Variants in GSX2 observed in about 807,000 individuals in gnomAD.
GSX2 encodes genetic-screened homeobox 2.
Under a neutral mutation model 19.2 loss-of-function variants are expected in GSX2, and 16 were observed. That is an observed-to-expected ratio of 0.84 (90% CI 0.57 to 1.27). The LOEUF (loss-of-function observed/expected upper bound fraction) is 1.27, where lower values mean the gene tolerates loss of function less well. Among genes scored for constraint, GSX2 ranks in the 50% most tolerant of loss-of-function variants. GSX2 has a pLI of 0.00. For missense variants in GSX2, 448 were observed against 428.4 expected (o/e 1.05, Z -0.40); for synonymous variants, 217 against 196.4 (o/e 1.10, Z -0.88).
rs997473643 is a variant in GSX2, at chr4:54,100,782, G to C, written c.438G>C (p.Ser146=). 4.1e-6 allele frequency: 6 copies of C among 1,463,612 alleles called. No homozygotes were observed. Among genetic ancestry groups the C allele is most frequent in the Non-Finnish European group, 5.4e-6 (6 of 1,111,896 alleles). The allele number at this position is 1,463,612 out of a possible 1,614,324, so 90.7% of individuals were successfully genotyped here. ...HHHHQPQQPG[S]AAAAAAAAAA... ...ATCATCAGCCCCAGCAGCCTGGCTCGGCCGCGGCGGCGGCAGCAGCAGCAG... is the reference window on the plus strand; with the variant it reads ...ATCATCAGCCCCAGCAGCCTGGCTCCGCCGCGGCGGCGGCAGCAGCAGCAG... The change falls in exon 1 of 2, where the codon TCG becomes TCC. Residue 146 remains serine (S), a synonymous_variant. Transcript: ENST00000326902.
Position 54,100,423 on chromosome 4 carries a change from C to A in GSX2, c.79C>A (p.Pro27Thr). The change falls in exon 1 of 2, where the codon CCC (proline) becomes ACC (threonine). Residue 27 changes from proline (P) to threonine (T), a missense_variant. By Grantham distance (38) the Pro-to-Thr change is conservative (BLOSUM62 -1). Coordinates refer to ENST00000326902, the MANE Select transcript of GSX2 (RefSeq NM_133267.3). ...RPAPSLPEPHPGPDFFIPLGM... is the reference protein window; with the variant it reads ...RPAPSLPEPHTGPDFFIPLGM... Reference sequence around the variant, plus strand: ...TGCGCCCTCGCTGCCTGAACCGCACCCCGGGCCGGATTTCTTCATCCCGCT... The same window carrying A: ...TGCGCCCTCGCTGCCTGAACCGCACACCGGGCCGGATTTCTTCATCCCGCT... 1.2e-6 allele frequency: 2 copies of A among 1,614,078 alleles called. No individual in the cohort carries two copies. The highest frequency in any genetic ancestry group is 1.7e-6 in the Non-Finnish European group (2 of 1,179,980).
chr4:54,100,224 CT>C lies in GSX2; in HGVS notation c.-120del. 6.9e-7 allele frequency: 1 copy of C among 1,446,270 alleles called. No individual in the cohort carries two copies. The highest frequency in any genetic ancestry group is 9.3e-7 in the Non-Finnish European group (1 of 1,076,002). 89.6% of individuals were successfully genotyped at this position (1,446,270 alleles called of 1,614,324 possible). ...TTGTTCCCAGCCCAGACGCCAACAC[CT>C]CTGCGTCCCCAAGGGCTTGACTGCC... On this transcript the variant is annotated 5_prime_UTR_variant, in exon 1 of 2. Coordinates refer to ENST00000326902, the MANE Select transcript of GSX2 (RefSeq NM_133267.3).
In GSX2 at chr4:54,102,459, A is replaced by C. The variant is rs1560411561; in HGVS notation, c.*537A>C. 2.0e-5 allele frequency: 3 copies of C among 152,060 alleles called. No individual in the cohort carries two copies. The highest frequency in any genetic ancestry group is 4.4e-5 in the Non-Finnish European group (3 of 68,016). The allele number at this position is 152,060 out of a possible 1,614,324, so 9.4% of individuals were successfully genotyped here. On this transcript the variant is annotated 3_prime_UTR_variant, in exon 2 of 2. Coordinates refer to ENST00000326902, the MANE Select transcript of GSX2 (RefSeq NM_133267.3). ...ATGTGAATAGGTTTATATAAAATTT[A>C]TATTTATATTTATTTAAATAAATGA...
Position 54,100,192 on chromosome 4 carries a change from G to A in GSX2, c.-153G>A. ...GACGTGAGGACCAGCCCTCTCCGGG[G>A]ACCCCTTTGTTCCCAGCCCAGACGC... On this transcript the variant is annotated 5_prime_UTR_variant, in exon 1 of 2. Transcript: ENST00000326902. 3 of 1,127,714 alleles carry A rather than the reference G, an allele frequency of 2.7e-6. No individual in the cohort carries two copies. Among genetic ancestry groups the A allele is most frequent in the Non-Finnish European group, 1.2e-6 (1 of 810,074 alleles). The allele number at this position is 1,127,714 out of a possible 1,614,324, so 69.9% of individuals were successfully genotyped here. A position where few individuals can be genotyped will look rare whatever the true frequency, so the allele number is the denominator to read the frequency against.
At position 54,101,570 on chromosome 4, in the gene GSX2, G is replaced by A. The variant is rs1718175893; in HGVS notation, c.575-12G>A. The A allele has an allele frequency of 6.3e-7, 1 of 1,596,458 alleles. No homozygotes were observed. The highest frequency in any genetic ancestry group is 1.1e-5 in the South Asian group (1 of 88,698). ...AGCCTTACCTCTCTACCCTCTCTTC[G>A]CCGGTCCGCAGGAGGCTCTGACGCC... On this transcript the variant is annotated splice_polypyrimidine_tract_variant and intron_variant, in intron 1 of 1. Transcript: ENST00000326902. The surrounding 1 kb of genome is among the most constrained non-coding windows in gnomAD (Gnocchi z 5.0).
chr4:54,101,289 T>C lies in GSX2; in HGVS notation c.575-293T>C, dbSNP rs990837772. On this transcript the variant is annotated intron_variant, in intron 1 of 1. Transcript: ENST00000326902. This position sits in a 1 kb window ranked among gnomAD's most constrained non-coding sequence, Gnocchi z 5.0. ...GGCGGCTAAAGCGTCTTGACGTTTT[T>C]GGCTAAGCCTGCGCGCTTCTCCGCT... is the stretch of plus-strand genomic sequence containing the variant. 2.0e-5 allele frequency among the ~76,000 whole-genome samples: 3 copies of C among 152,160 alleles called. No homozygotes were observed. The highest frequency in any genetic ancestry group is 7.2e-5 in the African/African-American group (3 of 41,444).
chr4:54,100,971 C>A, intron 1 of GSX2, 53 bp downstream of exon 1: 1 of 1,471,390 alleles, frequency 6.8e-7, no homozygotes, highest in Non-Finnish European at 9.1e-7. Flanking sequence ...GCTCCTGGAG[C>A]AAACTTTCCA....
Position 54,100,386 on chromosome 4 carries a change from C to A in GSX2, c.42C>A (p.Asp14Glu), listed in dbSNP as rs749328981. ...SFYVDSLIIKDTSRPAPSLPE... is the reference protein window; with the variant it reads ...SFYVDSLIIKETSRPAPSLPE... The stretch of plus-strand genomic sequence containing the variant: ...ATGTCGACTCGCTCATCATCAAGGA[C>A]ACCTCACGGCCTGCGCCCTCGCTGC... The change falls in exon 1 of 2, where the codon GAC becomes GAA. Residue 14 changes from aspartate to glutamate, a missense_variant. Asp to Glu is a conservative substitution (Grantham distance 45). Transcript: ENST00000326902. The A allele has an allele frequency of 1.2e-6, 2 of 1,614,028 alleles. No individual in the cohort carries two copies. The highest frequency in any genetic ancestry group is 3.3e-5 in the Admixed American group (2 of 60,024).
In GSX2 at chr4:54,101,789, G is replaced by C; in HGVS notation, c.782G>C (p.Gly261Ala). The C allele has an allele frequency of 6.2e-7, 1 of 1,614,244 alleles. No homozygotes were observed. Among genetic ancestry groups the C allele is most frequent in the Non-Finnish European group, 8.5e-7 (1 of 1,180,050 alleles). ...QNRRVKHKKE[G>A]KGTQRNSHAG... ...CGCCGAGTGAAGCACAAGAAGGAGGGGAAGGGCACGCAGAGGAACAGTCAC... is the reference window on the plus strand; with the variant it reads ...CGCCGAGTGAAGCACAAGAAGGAGGCGAAGGGCACGCAGAGGAACAGTCAC... The change falls in exon 2 of 2, where the codon GGG (glycine) becomes GCG (alanine). Residue 261 changes from glycine to alanine, a missense_variant. Coordinates refer to ENST00000326902, the MANE Select transcript of GSX2 (RefSeq NM_133267.3). This position sits in a 1 kb window ranked among gnomAD's most constrained non-coding sequence, Gnocchi z 5.0.
At position 54,101,832 on chromosome 4, in the gene GSX2, C is replaced by A; in HGVS notation, c.825C>A (p.Val275=). Residue 275 remains valine (V), a synonymous_variant, in exon 2 of 2, where the codon GTC becomes GTA. Coordinates refer to ENST00000326902, the MANE Select transcript of GSX2 (RefSeq NM_133267.3). This position sits in a 1 kb window ranked among gnomAD's most constrained non-coding sequence, Gnocchi z 5.0. ...ACAGTCACGCGGGCTGCAAGTGCGT[C>A]GGGAGCCAGGTGCACTACGCGCGCT... ...QRNSHAGCKC[V]GSQVHYARSE... is the part of the protein sequence containing the mutation. 3 of 1,614,166 alleles carry A rather than the reference C, an allele frequency of 1.9e-6. No individual in the cohort carries two copies. Among genetic ancestry groups the A allele is most frequent in the Non-Finnish European group, 2.5e-6 (3 of 1,180,032 alleles).
Position 54,101,462 on chromosome 4 carries a change from G to T in GSX2, c.575-120G>T. 2 of 647,586 alleles carry T rather than the reference G, an allele frequency of 3.1e-6. No individual in the cohort carries two copies. The highest frequency in any genetic ancestry group is 5.5e-6 in the Non-Finnish European group (2 of 363,942). The allele number at this position is 647,586 out of a possible 1,614,324, so 40.1% of individuals were successfully genotyped here. On this transcript the variant is annotated intron_variant, in intron 1 of 1. Coordinates refer to ENST00000326902, the MANE Select transcript of GSX2 (RefSeq NM_133267.3). The surrounding 1 kb of genome is among the most constrained non-coding windows in gnomAD (Gnocchi z 5.0). The stretch of plus-strand genomic sequence containing the variant: ...ACCACGTGCCTTGAAATGGGAAAGG[G>T]ATACAGATGTTCGGCTGGGCTTCCC...
Position 54,100,610 on chromosome 4 carries a change from G to C in GSX2, c.266G>C (p.Gly89Ala). Residue 89 changes from glycine to alanine, a missense_variant, in exon 1 of 2, where the codon GGG (glycine) becomes GCG (alanine). Coordinates refer to ENST00000326902, the MANE Select transcript of GSX2 (RefSeq NM_133267.3). Reference protein sequence around the residue: ...GSGGAGAGVTGAGGSGVAGAA... With the variant: ...GSGGAGAGVTAAGGSGVAGAA... The stretch of plus-strand genomic sequence containing the variant: ...GGGGGCGCAGGGGCCGGGGTTACCG[G>C]GGCCGGAGGCAGTGGGGTGGCAGGG... 6.4e-7 allele frequency: 1 copy of C among 1,557,132 alleles called. No homozygotes were observed. Among genetic ancestry groups the C allele is most frequent in the Non-Finnish European group, 8.7e-7 (1 of 1,151,438 alleles).
chr4:54,101,670 C>T lies in GSX2; in HGVS notation c.663C>T (p.Phe221=). 6.2e-7 allele frequency: 1 copy of T among 1,614,118 alleles called. No individual in the cohort carries two copies. Among genetic ancestry groups the T allele is most frequent in the Non-Finnish European group, 8.5e-7 (1 of 1,179,948 alleles). ...AACTCCTGGAGCTGGAGAGAGAATT[C>T]TCTTCCAACATGTACCTGTCTCGAC... is the stretch of plus-strand genomic sequence containing the variant. ...STQLLELERE[F]SSNMYLSRLR... Residue 221 remains phenylalanine (F), a synonymous_variant, in exon 2 of 2, where the codon TTC becomes TTT. Coordinates refer to ENST00000326902, the MANE Select transcript of GSX2 (RefSeq NM_133267.3). This position sits in a 1 kb window ranked among gnomAD's most constrained non-coding sequence, Gnocchi z 5.0.
At position 54,102,274 on chromosome 4, in the gene GSX2, C is replaced by A. The variant is rs927370357; in HGVS notation, c.*352C>A. The A allele has an allele frequency of 2.1e-5, 4 of 189,002 alleles. No homozygotes were observed. The highest frequency in any genetic ancestry group is 9.3e-5 in the African/African-American group (4 of 42,796). 11.7% of individuals were successfully genotyped at this position (189,002 alleles called of 1,614,324 possible). On this transcript the variant is annotated 3_prime_UTR_variant, in exon 2 of 2. Transcript: ENST00000326902. The stretch of plus-strand genomic sequence containing the variant: ...TCCCCATCCCTACTCTCTTTCAGAA[C>A]TCGATAAGAACACAGGATTTATTGA...
rs954642275 is a variant in GSX2, at chr4:54,102,179, G to A, written c.*257G>A. Reference sequence around the variant, plus strand: ...ACCTATAATTCAACTCATTCTTGTCGTATAACAGAGGAAAAACAGGGTTGG... The same window carrying A: ...ACCTATAATTCAACTCATTCTTGTCATATAACAGAGGAAAAACAGGGTTGG... On this transcript the variant is annotated 3_prime_UTR_variant, in exon 2 of 2. Transcript: ENST00000326902. 7.6e-5 allele frequency: 35 copies of A among 460,402 alleles called. 1 individual carries two copies. Among genetic ancestry groups the A allele is most frequent in the South Asian group, 6.7e-4 (20 of 30,010 alleles). 28.5% of individuals were successfully genotyped at this position (460,402 alleles called of 1,614,324 possible).
In GSX2 at chr4:54,100,722, T is replaced by G; in HGVS notation, c.378T>G (p.His126Gln). 6.5e-7 allele frequency: 1 copy of G among 1,547,608 alleles called. No homozygotes were observed. The highest frequency in any genetic ancestry group is 8.7e-7 in the Non-Finnish European group (1 of 1,145,570). ...AQFCPRVNHAHHHHHPPQHHH... is the reference protein window; with the variant it reads ...AQFCPRVNHAQHHHHPPQHHH... The stretch of plus-strand genomic sequence containing the variant: ...TTTGCCCGCGGGTGAACCATGCGCA[T>G]CATCACCACCACCCGCCGCAGCACC... Residue 126 changes from histidine to glutamine, a missense_variant, in exon 1 of 2, where the codon CAT (histidine) becomes CAG (glutamine). His to Gln is a conservative substitution (Grantham distance 24). Coordinates refer to ENST00000326902, the MANE Select transcript of GSX2 (RefSeq NM_133267.3).
At position 54,100,800 on chromosome 4, in the gene GSX2, A is replaced by AGCAGCAGCG; in HGVS notation, c.459_467dup (p.Ala160_Ala162dup). ...CTGGCTCGGCCGCGGCGGCGGCAGC[A>AGCAGCAGCG]GCAGCAGCGGCGGCGGCGGCCGCGG... is the stretch of plus-strand genomic sequence containing the variant. On this transcript the variant is annotated inframe_insertion, in exon 1 of 2. Transcript: ENST00000326902. 1 of 1,460,512 alleles carries AGCAGCAGCG rather than the reference A, an allele frequency of 6.8e-7. No individual in the cohort carries two copies. Among genetic ancestry groups the AGCAGCAGCG allele is most frequent in the Non-Finnish European group, 9.0e-7 (1 of 1,113,990 alleles). 90.5% of individuals were successfully genotyped at this position (1,460,512 alleles called of 1,614,324 possible).
chr4:54,100,792 G>A lies in GSX2; in HGVS notation c.448G>A (p.Ala150Thr). The change falls in exon 1 of 2, where the codon GCG becomes ACG. Residue 150 changes from alanine (A) to threonine (T), a missense_variant. By Grantham distance (58) the Ala-to-Thr change is moderately conservative. Transcript: ENST00000326902. ...QPQQPGSAAA[A>T]AAAAAAAAAA... is the part of the protein sequence containing the mutation. ...CCAGCAGCCTGGCTCGGCCGCGGCG[G>A]CGGCAGCAGCAGCAGCGGCGGCGGC... is the stretch of plus-strand genomic sequence containing the variant. 1 of 1,464,314 alleles carries A rather than the reference G, an allele frequency of 6.8e-7. No individual in the cohort carries two copies. Among genetic ancestry groups the A allele is most frequent in the South Asian group, 1.4e-5 (1 of 71,708 alleles). 90.7% of individuals were successfully genotyped at this position (1,464,314 alleles called of 1,614,324 possible). A position where few individuals can be genotyped will look rare whatever the true frequency, so the allele number is the denominator to read the frequency against.
At position 54,102,013 on chromosome 4, in the gene GSX2, G is replaced by A; in HGVS notation, c.*91G>A. ...CCAGGGGCCAGAATCCTTGCTCATT[G>A]CAGTGGTCCCATCTGGAGAAGAAAC... On this transcript the variant is annotated 3_prime_UTR_variant, in exon 2 of 2. Coordinates refer to ENST00000326902, the MANE Select transcript of GSX2 (RefSeq NM_133267.3). 4 of 1,110,550 alleles carry A rather than the reference G, an allele frequency of 3.6e-6. No individual in the cohort carries two copies. The highest frequency in any genetic ancestry group is 5.1e-6 in the Non-Finnish European group (4 of 787,598). 68.8% of individuals were successfully genotyped at this position (1,110,550 alleles called of 1,614,324 possible). A position where few individuals can be genotyped will look rare whatever the true frequency, so the allele number is the denominator to read the frequency against.
Sources: gnomAD v4.1 joint callset for allele counts (sites outside exome capture counted in the v4.1 genomes callset) on GRCh38, gnomAD v4.1.1 for gene constraint, Gnocchi (gnomAD v3.1) non-coding constraint, MANE v1.5 for transcripts, NCBI Gene and HGNC (gene_info 2026-07-23, HGNC 2026-07-21) for gene names.